ARHGAP10: variants seen among roughly 807,000 people sequenced by gnomAD.
ARHGAP10 encodes rho GTPase-activating protein 10.
A neutral mutation model predicts 108.6 loss-of-function variants in ARHGAP10; 87 were observed. The ratio of observed to expected loss-of-function variants is 0.80; its 90% confidence interval spans 0.67 to 0.96. The LOEUF (loss-of-function observed/expected upper bound fraction) is 0.96, where lower values mean the gene tolerates loss of function less well. ARHGAP10 is among the 40% of genes least tolerant of loss of function. The pLI, the probability that ARHGAP10 is intolerant of heterozygous loss-of-function variation, is 0.00. For missense variants in ARHGAP10, 939 were observed against 954.5 expected, an observed-to-expected ratio of 0.98 and a Z score of 0.21; for synonymous variants, 347 against 341.1, an observed-to-expected ratio of 1.02 and a Z score of -0.19.
intron 18 of ARHGAP10, among the ~76,000 whole-genome samples, chr4:148,005,445 A>G (rs926277513): frequency 1.3e-5 from 2 of 152,216 alleles, no homozygotes; most frequent in African/African-American, 4.8e-5. Context: ...ATAGAAATAT[A>G]TATACAATAG....
intron 4 of ARHGAP10, among the ~76,000 whole-genome samples, chr4:147,851,657 T>G (rs1186114518): frequency 1.3e-5 from 2 of 152,244 alleles, no homozygotes; most frequent in Non-Finnish European, 2.9e-5. Flanking sequence ...TTAATTACAT[T>G]TCTTTCATTC....
intron 14 of ARHGAP10, among the ~76,000 whole-genome samples, chr4:147,945,335 A>G (rs1026918508): frequency 6.6e-6 from 1 of 151,674 alleles, no homozygotes; most frequent in African/African-American, 2.4e-5. Context: ...AGAACTTACT[A>G]GCCGTTTTGA....
At chr4:147,956,965 A>G (rs554746562) in intron 16 of ARHGAP10, among the ~76,000 whole-genome samples, 5 of 152,252 alleles carry the variant, frequency 3.3e-5, no homozygotes, top group South Asian at 2.1e-4. Context: ...AATAAAATCT[A>G]TGGTGGTAGA....
At chr4:148,047,709 G>A (rs554701532) in intron 20 of ARHGAP10, among the ~76,000 whole-genome samples, 2 of 152,298 alleles carry the variant, frequency 1.3e-5, no homozygotes, top group East Asian at 3.9e-4. Flanking sequence ...AGGGCATCAC[G>A]TTTCAAACAA....
intron 3 of ARHGAP10, among the ~76,000 whole-genome samples, chr4:147,824,474 G>A (rs1732626178): frequency 6.6e-6 from 1 of 152,228 alleles, no homozygotes; most frequent in Non-Finnish European, 1.5e-5. Context: ...CTGTGTGCCA[G>A]TGCATTAGTC....
At chr4:147,893,753 C>T (rs1418625819) in intron 10 of ARHGAP10, among the ~76,000 whole-genome samples, 1 of 151,878 alleles carries the variant, frequency 6.6e-6, no homozygotes, top group African/African-American at 2.4e-5. Context: ...TACTCGGGAA[C>T]TACCAAGATA....
chr4:147,769,547 C>T (rs1468888685), intron 1 of ARHGAP10, among the ~76,000 whole-genome samples: 1 of 152,030 alleles, frequency 6.6e-6, no homozygotes, highest in African/African-American at 2.4e-5. Flanking sequence ...CGGGGATTTC[C>T]GTATGTTAAC....
In ARHGAP10 at chr4:148,046,761, A is replaced by G. The variant is rs892277347; in HGVS notation, c.1868-131A>G. ...AAAAATGTAAAGACAGGACACCCAG[A>G]TACTGTCAGGCTGAACTGTAAATGT... On this transcript the variant is annotated intron_variant, in intron 19 of 22. Coordinates refer to ENST00000336498, the MANE Select transcript of ARHGAP10 (RefSeq NM_024605.4). The G allele has an allele frequency of 1.1e-5, 10 of 873,920 alleles. 1 individual carries two copies. Among genetic ancestry groups the G allele is most frequent in the Non-Finnish European group, 1.2e-5 (7 of 593,264 alleles). 54.1% of individuals were successfully genotyped at this position (873,920 alleles called of 1,614,324 possible). A position where few individuals can be genotyped will look rare whatever the true frequency, so the allele number is the denominator to read the frequency against.
Position 147,875,005 on chromosome 4 carries a change from T to C in ARHGAP10, c.703-16T>C, listed in dbSNP as rs1735000522. On this transcript the variant is annotated splice_polypyrimidine_tract_variant and intron_variant, in intron 7 of 22. Coordinates refer to ENST00000336498, the MANE Select transcript of ARHGAP10 (RefSeq NM_024605.4). ...TGAGAACTTAACATTTATGTGTGTT[T>C]TTTAATCCATTTCAGACACGGAATC... 1 of 1,564,464 alleles carries C rather than the reference T, an allele frequency of 6.4e-7. No individual in the cohort carries two copies. The highest frequency in any genetic ancestry group is 8.6e-7 in the Non-Finnish European group (1 of 1,162,756).
rs551050694 is a variant in ARHGAP10, at chr4:148,058,132, T to C, written c.2028-5016T>C. 4.6e-5 allele frequency among the ~76,000 whole-genome samples: 7 copies of C among 152,350 alleles called. 1 individual carries two copies. The South Asian group carries it at 1.4e-3, about 32-fold the overall frequency. The stretch of plus-strand genomic sequence containing the variant: ...TCCCATAATATACAGATCTACAATA[T>C]TTCCTTCTGTCTTTATTAACATTTT... On this transcript the variant is annotated intron_variant, in intron 20 of 22. Coordinates refer to ENST00000336498, the MANE Select transcript of ARHGAP10 (RefSeq NM_024605.4).
chr4:147,744,920 C>T (rs184855825), intron 1 of ARHGAP10, among the ~76,000 whole-genome samples: 11 of 151,880 alleles, frequency 7.2e-5, no homozygotes, highest in African/African-American at 1.2e-4. Flanking sequence ...CCGAGGCTGC[C>T]GAGAGAGAAT....
chr4:148,039,141 A>G (rs1284298308), intron 19 of ARHGAP10, among the ~76,000 whole-genome samples: 3 of 152,126 alleles, frequency 2.0e-5, no homozygotes, highest in African/African-American at 7.2e-5. Flanking sequence ...TTTAAAAGAC[A>G]ACAATGGACA....
Position 147,864,774 on chromosome 4 carries a change from G to T in ARHGAP10, c.487-72G>T, listed in dbSNP as rs1579132117. 4 of 1,384,524 alleles carry T rather than the reference G, an allele frequency of 2.9e-6. No homozygotes were observed. The East Asian group carries it at 7.0e-5, about 24-fold the overall frequency. The allele number at this position is 1,384,524 out of a possible 1,614,324, so 85.8% of individuals were successfully genotyped here. ...CGTATTTTGGCCCATGGACCACAGT[G>T]TGATGACCTCTGATGTAGCGTTTCA... On this transcript the variant is annotated intron_variant, in intron 5 of 22. Transcript: ENST00000336498.
chr4:147,840,333 C>T (rs1201046951), intron 3 of ARHGAP10, among the ~76,000 whole-genome samples: 1 of 152,044 alleles, frequency 6.6e-6, no homozygotes, highest in African/African-American at 2.4e-5. Flanking sequence ...TCATGCAGTA[C>T]CCATTTAAAT....
chr4:147,758,487 A>G (rs1488989070), intron 1 of ARHGAP10, among the ~76,000 whole-genome samples: 1 of 152,056 alleles, frequency 6.6e-6, no homozygotes, highest in Non-Finnish European at 1.5e-5. Context: ...CCCAGAAAGA[A>G]AGCCTGTCCC....
At chr4:147,847,949 AC>A (rs1172940568) in intron 4 of ARHGAP10, among the ~76,000 whole-genome samples, 1 of 152,210 alleles carries the variant, frequency 6.6e-6, no homozygotes, top group Non-Finnish European at 1.5e-5. Context: ...TTGTGTATGT[AC>A]TTGAGAAAGA....
intron 1 of ARHGAP10, among the ~76,000 whole-genome samples, chr4:147,766,817 TA>T (rs1560746860): frequency 0.028 from 356 of 12,526 alleles, 10 homozygotes; most frequent in Admixed American, 0.038. Context: ...TATATATATA[TA>T]TATATATATA....
chr4:147,763,304 A>T (rs1248781088), intron 1 of ARHGAP10, among the ~76,000 whole-genome samples: 1 of 150,430 alleles, frequency 6.6e-6, no homozygotes, highest in Non-Finnish European at 1.5e-5. Context: ...TTGTAGTAGG[A>T]GTAGATAATA....
At chr4:147,922,496 C>G (rs1371337666) in intron 13 of ARHGAP10, among the ~76,000 whole-genome samples, 1 of 150,722 alleles carries the variant, frequency 6.6e-6, no homozygotes, top group South Asian at 2.1e-4. Flanking sequence ...GAGACCATCC[C>G]GGCTAAAACG....
Sources: allele counts gnomAD v4.1 joint callset (sites outside exome capture counted in the v4.1 genomes callset), GRCh38; gene constraint gnomAD v4.1.1; transcripts MANE v1.5; gene names NCBI Gene and HGNC (gene_info 2026-07-23, HGNC 2026-07-21).